Variants in SLC4A4 observed in about 807,000 individuals in gnomAD.
SLC4A4 encodes the protein electrogenic sodium bicarbonate cotransporter 1.
Under a neutral mutation model 111.5 loss-of-function variants are expected in SLC4A4, and 27 were observed. The ratio of observed to expected loss-of-function variants is 0.24; its 90% CI spans 0.18 to 0.33. SLC4A4 has a LOEUF of 0.33. Ranked by LOEUF, SLC4A4 falls within the 10% of genes least tolerant of loss-of-function variation. The pLI, the probability that SLC4A4 is intolerant of heterozygous loss-of-function variation, is 1.00. For synonymous variants in SLC4A4, 443 were observed against 463.4 expected, an observed-to-expected ratio of 0.96 and a Z score of 0.57; for missense variants, 909 against 1,315.5, an observed-to-expected ratio of 0.69 and a Z score of 4.78.
intron 6 of SLC4A4, among the ~76,000 whole-genome samples, chr4:71,367,110 G>A (rs75241400): frequency 0.016 from 2,382 of 152,200 alleles, 77 homozygotes; most frequent in East Asian, 0.12. Context: ...GGCTGTATAC[G>A]CAAAAAGAAA....
rs537442129 is a variant in SLC4A4 at position 71,244,528 on chromosome 4, A to G, written c.73+7879A>G. On this transcript the variant is annotated intron_variant, in intron 2 of 25. Transcript: ENST00000264485. ...CACCTCTCATCTCCTACTTTTTTCTAGGAATATAAGTAAAGCAATTTGAAA... is the reference window on the plus strand; with the variant it reads ...CACCTCTCATCTCCTACTTTTTTCTGGGAATATAAGTAAAGCAATTTGAAA... 2.6e-5 allele frequency among the ~76,000 whole-genome samples: 4 copies of G among 152,268 alleles called. No individual in the cohort carries two copies. The South Asian group carries it at 8.3e-4, about 32-fold the overall frequency.
intron 2 of SLC4A4, among the ~76,000 whole-genome samples, chr4:71,151,786 C>G (rs935540411): frequency 6.6e-6 from 1 of 150,618 alleles, no homozygotes; most frequent in Admixed American, 6.6e-5. Context: ...TAAGGCCGGG[C>G]ACGGTGACTC....
At chr4:71,076,603 C>T (rs1741836822) in intron 1 of SLC4A4, among the ~76,000 whole-genome samples, 1 of 151,770 alleles carries the variant, frequency 6.6e-6, no homozygotes, top group South Asian at 2.1e-4. Flanking sequence ...GGGTTTTCTG[C>T]AATGTGCTTA....
At chr4:71,443,908 A>G (rs1724995074) in intron 8 of SLC4A4, among the ~76,000 whole-genome samples, 1 of 152,240 alleles carries the variant, frequency 6.6e-6, no homozygotes, top group African/African-American at 2.4e-5. Context: ...CACATCCACC[A>G]GTTTAATTGC....
intron 3 of SLC4A4, among the ~76,000 whole-genome samples, chr4:71,317,912 A>T (rs1726817153): frequency 6.6e-6 from 1 of 152,028 alleles, no homozygotes; most frequent in Admixed American, 6.6e-5. Context: ...ATTAAAGGAG[A>T]TATGTTCATA....
intron 21 of SLC4A4, among the ~76,000 whole-genome samples, chr4:71,555,813 G>A (rs1386529093): frequency 6.6e-6 from 1 of 151,894 alleles, no homozygotes; most frequent in Non-Finnish European, 1.5e-5. Context: ...GAGGTGAAAG[G>A]TTCACTTGAA....
chr4:71,227,960 G>A (rs976046077), intron 1 of SLC4A4, among the ~76,000 whole-genome samples: 20 of 152,160 alleles, frequency 1.3e-4, no homozygotes, highest in Admixed American at 5.9e-4. Flanking sequence ...TGGAACTCTG[G>A]TCAGAAGCAG....
intron 3 of SLC4A4, among the ~76,000 whole-genome samples, chr4:71,297,829 C>T (rs1724928461): frequency 6.6e-6 from 1 of 152,058 alleles, no homozygotes; most frequent in Non-Finnish European, 1.5e-5. Flanking sequence ...CACAAGTGAT[C>T]CGCCTGCCTC....
chr4:71,425,786 G>A (rs1252645254), intron 7 of SLC4A4, among the ~76,000 whole-genome samples: 2 of 152,066 alleles, frequency 1.3e-5, no homozygotes, highest in East Asian at 3.8e-4. Context: ...TAAAGACCTA[G>A]AATCCATAGA....
chr4:71,390,591 A>T (rs1360103545), intron 6 of SLC4A4, among the ~76,000 whole-genome samples: 1 of 152,140 alleles, frequency 6.6e-6, no homozygotes, highest in East Asian at 1.9e-4. Flanking sequence ...AAGTAGAGTA[A>T]TACCATCTTC....
At chr4:71,142,761 C>CTTTTTTTTTTTTTTTT (rs34495804) in intron 2 of SLC4A4, among the ~76,000 whole-genome samples, 2 of 78,038 alleles carry the variant, frequency 2.6e-5, no homozygotes, top group African/African-American at 4.7e-5. Flanking sequence ...TTTTCTCACT[C>CTTTTTTTTTTTTTTTT]TTTTTTTTTT....
intron 6 of SLC4A4, among the ~76,000 whole-genome samples, chr4:71,376,028 A>G (rs1375602657): frequency 1.3e-5 from 2 of 150,482 alleles, no homozygotes. Flanking sequence ...TTCAACCAAA[A>G]CTACATATAT....
chr4:71,504,812 A>G (rs1431082839), intron 16 of SLC4A4, among the ~76,000 whole-genome samples: 1 of 152,004 alleles, frequency 6.6e-6, no homozygotes, highest in Non-Finnish European at 1.5e-5. Context: ...TGCTGCACAG[A>G]TCATTCCATC....
At chr4:71,119,180 C>T (rs1349742865) in intron 2 of SLC4A4, among the ~76,000 whole-genome samples, 1 of 152,080 alleles carries the variant, frequency 6.6e-6, no homozygotes, top group Non-Finnish European at 1.5e-5. Context: ...ATATCGGAGC[C>T]CCCTGTACTT....
At chr4:71,512,758 T>C (rs1041388446) in intron 16 of SLC4A4, among the ~76,000 whole-genome samples, 3 of 152,302 alleles carry the variant, frequency 2.0e-5, no homozygotes, top group African/African-American at 7.2e-5. Context: ...AGTATTTTTA[T>C]AGTTTTGGGT....
intron 15 of SLC4A4, among the ~76,000 whole-genome samples, chr4:71,490,112 C>A (rs1372474531): frequency 6.6e-6 from 1 of 151,786 alleles, no homozygotes; most frequent in Non-Finnish European, 1.5e-5. Flanking sequence ...CTTGGTATAT[C>A]CCTTTAACTT....
chr4:71,332,014 A>G (rs1728039682), intron 3 of SLC4A4, among the ~76,000 whole-genome samples: 1 of 152,148 alleles, frequency 6.6e-6, no homozygotes, highest in African/African-American at 2.4e-5. Flanking sequence ...CTGTGGTATC[A>G]GTTGTAATGT....
intron 2 of SLC4A4, among the ~76,000 whole-genome samples, chr4:71,128,375 G>C (rs537393731): frequency 1.3e-5 from 2 of 152,260 alleles, no homozygotes; most frequent in East Asian, 3.9e-4. Flanking sequence ...ATCTCCCACT[G>C]GGTCCCCACA....
chr4:71,436,158 C>T (rs1472393717), intron 7 of SLC4A4, among the ~76,000 whole-genome samples: 2 of 152,146 alleles, frequency 1.3e-5, no homozygotes, highest in African/African-American at 4.8e-5. Flanking sequence ...GGAACCAATC[C>T]AAATGCCTAT....
Sources: gnomAD v4.1 joint callset for allele counts (sites outside exome capture counted in the v4.1 genomes callset) on GRCh38, gnomAD v4.1.1 for gene constraint, MANE v1.5 for transcripts, NCBI Gene and HGNC (gene_info 2026-07-23, HGNC 2026-07-21) for gene names.